The following GRIK4 variants were observed in gnomAD, a reference collection of about 807,000 sequenced individuals.
GRIK4 encodes glutamate ionotropic receptor kainate type subunit 4.
Under a neutral mutation model 104.9 loss-of-function variants are expected in GRIK4, and 40 were observed. That is an observed-to-expected ratio of 0.38 (90% CI 0.30 to 0.50). GRIK4 has a LOEUF of 0.50. Among genes scored for constraint, GRIK4 ranks in the 20% least tolerant of loss-of-function variants. The pLI, the probability that GRIK4 is intolerant of heterozygous loss-of-function variation, is 0.93. For synonymous variants in GRIK4, 485 were observed against 524.9 expected (o/e 0.92, Z 1.04); for missense variants, 1,047 against 1,308.1 (o/e 0.80, Z 3.08).
At chr11:120,598,089 G>T (rs554717940) in intron 1 of GRIK4, among the ~76,000 whole-genome samples, 7 of 152,134 alleles carry the variant, frequency 4.6e-5, no homozygotes, top group Admixed American at 4.6e-4. Flanking sequence ...CCTTGGCCTC[G>T]CAGTTGGAGC....
intron 1 of GRIK4, among the ~76,000 whole-genome samples, chr11:120,601,333 G>C (rs1202917243): frequency 6.6e-6 from 1 of 152,122 alleles, no homozygotes; most frequent in Non-Finnish European, 1.5e-5. Flanking sequence ...TGGAACTCGG[G>C]AGGTGGCGGT....
At chr11:120,751,730 C>T (rs1331654218) in intron 3 of GRIK4, among the ~76,000 whole-genome samples, 2 of 152,236 alleles carry the variant, frequency 1.3e-5, no homozygotes, top group Admixed American at 1.3e-4. Flanking sequence ...GACTTGACGT[C>T]AGCAGCATCT....
intron 1 of GRIK4, among the ~76,000 whole-genome samples, chr11:120,527,989 T>C (rs548030940): frequency 6.6e-6 from 1 of 152,308 alleles, no homozygotes; most frequent in Non-Finnish European, 1.5e-5. Flanking sequence ...TTATTTTATT[T>C]TTTTGAGACA....
intron 3 of GRIK4, among the ~76,000 whole-genome samples, chr11:120,705,136 G>A (rs9630200): frequency 0.24 from 36,096 of 151,818 alleles, 6,262 homozygotes; most frequent in African/African-American, 0.49. Flanking sequence ...GAATCCTCCA[G>A]TTTTGTTTGT....
At chr11:120,930,919 G>C (rs773409985) in intron 13 of GRIK4, among the ~76,000 whole-genome samples, 5 of 152,142 alleles carry the variant, frequency 3.3e-5, no homozygotes, top group African/African-American at 7.2e-5. Flanking sequence ...AGTGGGAGTC[G>C]TGAATAATTT....
intron 3 of GRIK4, among the ~76,000 whole-genome samples, chr11:120,693,714 G>T (rs989274582): frequency 6.6e-6 from 1 of 152,182 alleles, no homozygotes; most frequent in Non-Finnish European, 1.5e-5. Context: ...CCTTTTGGAA[G>T]CCAGTTTATC....
At chr11:120,591,354 G>A (rs954730712) in intron 1 of GRIK4, among the ~76,000 whole-genome samples, 1 of 152,028 alleles carries the variant, frequency 6.6e-6, no homozygotes, top group African/African-American at 2.4e-5. Context: ...TGTGATGCTG[G>A]CAGATGGGCC....
intron 8 of GRIK4, among the ~76,000 whole-genome samples, chr11:120,840,787 C>G (rs779623286): frequency 1.3e-5 from 2 of 152,088 alleles, no homozygotes; most frequent in Admixed American, 6.6e-5. Context: ...AGTTTAGTGG[C>G]GTTAATTATA....
intron 4 of GRIK4, among the ~76,000 whole-genome samples, chr11:120,813,595 T>G (rs1254221862): frequency 6.6e-6 from 1 of 152,182 alleles, no homozygotes; most frequent in East Asian, 1.9e-4. Context: ...GACTCCAAGA[T>G]CTATAGTTCA....
intron 1 of GRIK4, among the ~76,000 whole-genome samples, chr11:120,566,447 A>C (rs180722560): frequency 6.6e-5 from 10 of 152,308 alleles, no homozygotes; most frequent in Admixed American, 4.6e-4. Context: ...GGTGATTGCC[A>C]GCTAATCTAC....
intron 3 of GRIK4, among the ~76,000 whole-genome samples, chr11:120,772,433 G>T (rs945105822): frequency 1.3e-5 from 2 of 152,140 alleles, no homozygotes; most frequent in Non-Finnish European, 2.9e-5. Flanking sequence ...TGCATGCTAG[G>T]CTCTGTAGTA....
At chr11:120,609,130 C>T (rs535183157) in intron 1 of GRIK4, among the ~76,000 whole-genome samples, 14 of 152,250 alleles carry the variant, frequency 9.2e-5, no homozygotes, top group African/African-American at 3.1e-4. Context: ...CTGCGTGCTC[C>T]CAGCGCCTCC....
At chr11:120,719,905 A>G (rs1950899592) in intron 3 of GRIK4, among the ~76,000 whole-genome samples, 1 of 152,170 alleles carries the variant, frequency 6.6e-6, no homozygotes, top group Admixed American at 6.5e-5. Flanking sequence ...TTGACAGAGA[A>G]GCCGAGAAAA....
chr11:120,607,223 G>C (rs1004358147), intron 1 of GRIK4, among the ~76,000 whole-genome samples: 2 of 152,212 alleles, frequency 1.3e-5, no homozygotes, highest in Non-Finnish European at 2.9e-5. Flanking sequence ...GTTCAGTATT[G>C]GTGGGCCCTT....
Position 120,986,090 on chromosome 11 carries a change from C to T in GRIK4, c.2701C>T (p.Leu901Phe). ...GTGCGGGGCAGGGGAGCCCGACCAG[C>T]TCGCGCAGAGACTGGCGCAGGAGGC... ...KLCGAGEPDQ[L>F]AQRLAQEAAL... Residue 901 changes from leucine (L) to phenylalanine (F), a missense_variant, in exon 21 of 21, where the codon CTC becomes TTC. Physicochemically the swap from Leu to Phe is conservative, Grantham distance 22 (BLOSUM62 0). Around this residue, in one of 3 missense-constraint regions of GRIK4, gnomAD observed 160 missense variants for 140.9 expected, o/e 1.14. Transcript: ENST00000527524. 1 of 1,511,978 alleles carries T rather than the reference C, an allele frequency of 6.6e-7. No individual in the cohort carries two copies. The highest frequency in any genetic ancestry group is 8.8e-7 in the Non-Finnish European group (1 of 1,136,558). 93.7% of individuals were successfully genotyped at this position (1,511,978 alleles called of 1,614,324 possible).
At chr11:120,698,126 A>C (rs1950486908) in intron 3 of GRIK4, among the ~76,000 whole-genome samples, 1 of 152,114 alleles carries the variant, frequency 6.6e-6, no homozygotes, top group African/African-American at 2.4e-5. Context: ...TTTTGAAAAA[A>C]CCTACTTTAC....
intron 1 of GRIK4, among the ~76,000 whole-genome samples, chr11:120,624,486 G>A (rs950376393): frequency 1.3e-5 from 2 of 152,094 alleles, no homozygotes; most frequent in African/African-American, 4.8e-5. Flanking sequence ...TCTCTACTCT[G>A]AGTAGCTGTA....
intron 3 of GRIK4, among the ~76,000 whole-genome samples, chr11:120,719,520 AC>A (rs1950893996): frequency 6.6e-6 from 1 of 152,124 alleles, no homozygotes; most frequent in Non-Finnish European, 1.5e-5. Flanking sequence ...TGTTGATGAT[AC>A]CAGCTTCCCA....
intron 1 of GRIK4, among the ~76,000 whole-genome samples, chr11:120,626,988 G>A (rs976929393): frequency 2.2e-4 from 34 of 152,218 alleles, no homozygotes; most frequent in African/African-American, 7.2e-4. Context: ...CTCCACGGAG[G>A]CCCGAAGGGC....
Sources: allele counts gnomAD v4.1 joint callset (sites outside exome capture counted in the v4.1 genomes callset), GRCh38; gene constraint gnomAD v4.1.1; regional missense constraint gnomAD v4.1.1; transcripts MANE v1.5; gene names NCBI Gene and HGNC (gene_info 2026-07-23, HGNC 2026-07-21).